TRPC5: variants seen among roughly 807,000 people sequenced by gnomAD.
The protein encoded by TRPC5 is transient receptor potential cation channel subfamily C member 5, also known as short transient receptor potential channel 5.
In TRPC5, 9 loss-of-function variants were observed where a neutral mutation model predicts 56.5. The ratio of observed to expected loss-of-function variants is 0.16; its 90% CI spans 0.10 to 0.28. The LOEUF (loss-of-function observed/expected upper bound fraction) is 0.28, where lower values mean the gene tolerates loss of function less well. Among genes scored for constraint, TRPC5 ranks in the 10% least tolerant of loss-of-function variants. The pLI is 1.00. For synonymous variants in TRPC5, 282 were observed against 278.5 expected, an observed-to-expected ratio of 1.01 and a Z score of -0.13; for missense variants, 469 against 748.9, an observed-to-expected ratio of 0.63 and a Z score of 4.36.
chrX:112,070,596 T>C (rs1345242545), intron 1 of TRPC5, among the ~76,000 whole-genome samples: 4 of 111,323 alleles, frequency 3.6e-5, no homozygotes, highest in Non-Finnish European at 7.5e-5. Context: ...GGAAGAATTA[T>C]TCCTGCTCCT....
intron 7 of TRPC5, among the ~76,000 whole-genome samples, chrX:111,788,933 G>T (rs774250711): frequency 1.8e-5 from 2 of 111,806 alleles, no homozygotes; most frequent in South Asian, 7.5e-4. Flanking sequence ...ACAAATGGAA[G>T]AATATTCCAT....
intron 1 of TRPC5, among the ~76,000 whole-genome samples, chrX:112,056,973 T>C (rs1930354953): frequency 8.9e-6 from 1 of 112,514 alleles, no homozygotes; most frequent in Admixed American, 9.4e-5. Flanking sequence ...CTCCTGTAGA[T>C]AGCTGTGCAA....
intron 1 of TRPC5, among the ~76,000 whole-genome samples, chrX:112,005,463 T>TA (rs745973541): frequency 0.026 from 1,754 of 66,346 alleles, 49 homozygotes; most frequent in African/African-American, 0.079. Context: ...AACCTAAAAG[T>TA]AAAAAAAAAA....
intron 3 of TRPC5, among the ~76,000 whole-genome samples, chrX:111,871,782 A>C (rs1376066096): frequency 9.0e-6 from 1 of 111,528 alleles, no homozygotes; most frequent in African/African-American, 3.3e-5. Flanking sequence ...TGGTTTGGGC[A>C]TGGTTTGTTT....
rs200213456 is a variant in TRPC5, at chrX:111,865,221, A to AC, written c.901-11116dup. Among the ~76,000 whole-genome samples, 477 of 103,188 alleles carry AC rather than the reference A, an allele frequency of 4.6e-3. 2 individuals are homozygous for AC. The highest frequency in any genetic ancestry group is 0.014 in the African/African-American group (394 of 27,824). 89.6% of individuals were successfully genotyped at this position (103,188 alleles called of 115,157 possible). On this transcript the variant is annotated intron_variant, in intron 3 of 10. Transcript: ENST00000262839. The stretch of plus-strand genomic sequence containing the variant: ...AGTAGAGAGGGAGTTTTGCCATGTT[A>AC]CCCCCCCCAGCCTGGTCTTGAACTC...
At chrX:112,061,855 A>G (rs1930467095) in intron 1 of TRPC5, among the ~76,000 whole-genome samples, 1 of 111,913 alleles carries the variant, frequency 8.9e-6, no homozygotes, top group Admixed American at 9.5e-5. Context: ...CTAATTTTCA[A>G]TCTGCAAGGA....
At position 111,772,764 on chromosome X, in the gene TRPC5, T is replaced by C. The variant is rs1945850594; in HGVS notation, c.*3549A>G. Among the ~76,000 whole-genome samples, 1 of 111,399 alleles carries C rather than the reference T, an allele frequency of 9.0e-6. No homozygotes were observed. The highest frequency in any genetic ancestry group is 1.9e-5 in the Non-Finnish European group (1 of 53,101). On this transcript the variant is annotated 3_prime_UTR_variant, in exon 11 of 11. Coordinates refer to ENST00000262839, the MANE Select transcript of TRPC5 (RefSeq NM_012471.3). The stretch of plus-strand genomic sequence containing the variant: ...TTCTAAGGTACTTTTAAACAAAGGA[T>C]TTGCTGCCTATCTTCAAGTACTTTT...
At chrX:111,842,326 C>T (rs1427157259) in intron 6 of TRPC5, among the ~76,000 whole-genome samples, 19 of 106,759 alleles carry the variant, frequency 1.8e-4, no homozygotes, top group Admixed American at 1.5e-3. Context: ...TTAGTAGAGA[C>T]GGGGTTTCCT....
At chrX:111,891,747 C>A (rs983090306) in intron 3 of TRPC5, among the ~76,000 whole-genome samples, 11 of 110,841 alleles carry the variant, frequency 9.9e-5, no homozygotes, top group African/African-American at 3.6e-4. Context: ...CGGGATTTCA[C>A]TATGTTGGCC....
intron 1 of TRPC5, among the ~76,000 whole-genome samples, chrX:112,036,703 A>G (rs1237600121): frequency 9.0e-6 from 1 of 111,508 alleles, no homozygotes; most frequent in East Asian, 2.8e-4. Flanking sequence ...CTGTGGAGCA[A>G]TGGGAGTTTG....
At chrX:111,987,030 T>G (rs1011673423) in intron 1 of TRPC5, among the ~76,000 whole-genome samples, 1 of 111,331 alleles carries the variant, frequency 9.0e-6, no homozygotes, top group Non-Finnish European at 1.9e-5. Context: ...ATTACATTTG[T>G]TGGTTTGCAA....
rs771277830 is a variant in TRPC5 at position 111,848,473 on chromosome X, C to T, written c.1378-1037G>A. Among the ~76,000 whole-genome samples, 8 of 112,386 alleles carry T rather than the reference C, an allele frequency of 7.1e-5. No individual in the cohort carries two copies. In the South Asian group the frequency reaches 2.6e-3, roughly 36 times the overall value. On this transcript the variant is annotated intron_variant, in intron 5 of 10. Coordinates refer to ENST00000262839, the MANE Select transcript of TRPC5 (RefSeq NM_012471.3). ...GGAAATACAAGGAATTACTTATTACCTTCCCAGGACAGAAGTAGATTTTGC... is the reference window on the plus strand; with the variant it reads ...GGAAATACAAGGAATTACTTATTACTTTCCCAGGACAGAAGTAGATTTTGC...
chrX:112,041,031 C>T (rs1929878034), intron 1 of TRPC5, among the ~76,000 whole-genome samples: 1 of 112,058 alleles, frequency 8.9e-6, no homozygotes, highest in African/African-American at 3.2e-5. Flanking sequence ...GTTACCCCAC[C>T]TGAGAGGTGA....
chrX:112,024,203 TA>T, intron 1 of TRPC5, among the ~76,000 whole-genome samples: 1 of 111,870 alleles, frequency 8.9e-6, no homozygotes, highest in East Asian at 2.8e-4. Context: ...GACTGGGCCA[TA>T]GAGTGTCCAG....
chrX:112,041,929 A>G (rs1929903202), intron 1 of TRPC5, among the ~76,000 whole-genome samples: 1 of 111,577 alleles, frequency 9.0e-6, no homozygotes, highest in Non-Finnish European at 1.9e-5. Context: ...ACTCTCTCTT[A>G]TTCTCAATGG....
intron 1 of TRPC5, among the ~76,000 whole-genome samples, chrX:111,987,404 C>T (rs1289021371): frequency 9.0e-6 from 1 of 110,813 alleles, no homozygotes; most frequent in Non-Finnish European, 1.9e-5. Flanking sequence ...ATTTCCAGTA[C>T]ACAATACAAT....
chrX:111,921,565 A>T (rs1926128037), intron 2 of TRPC5, among the ~76,000 whole-genome samples: 1 of 111,132 alleles, frequency 9.0e-6, no homozygotes, highest in South Asian at 3.8e-4. Context: ...CTCCAAAATC[A>T]TACTGAAAGA....
At chrX:111,931,276 G>A (rs760617695) in intron 2 of TRPC5, among the ~76,000 whole-genome samples, 64 of 112,221 alleles carry the variant, frequency 5.7e-4, no homozygotes, top group Middle Eastern at 4.7e-3. Flanking sequence ...GGAAATAGGG[G>A]ATGATTTCCT....
At chrX:111,929,499 A>G (rs1054270298) in intron 2 of TRPC5, among the ~76,000 whole-genome samples, 2 of 112,440 alleles carry the variant, frequency 1.8e-5, no homozygotes, top group Non-Finnish European at 3.8e-5. Context: ...CGATTCCATG[A>G]TCAAGTGGAC....
Sources: allele counts gnomAD v4.1 joint callset (sites outside exome capture counted in the v4.1 genomes callset), GRCh38; gene constraint gnomAD v4.1.1; transcripts MANE v1.5; gene names NCBI Gene and HGNC (gene_info 2026-07-23, HGNC 2026-07-21).